ZNF438: variants seen among roughly 807,000 people sequenced by gnomAD.
ZNF438 encodes the protein zinc finger protein 438.
ZNF438 carries 25 observed loss-of-function variants against 38.0 expected under a neutral mutation model. The observed-to-expected ratio is 0.66, with a 90% CI of 0.48 to 0.92. ZNF438 has a LOEUF of 0.92. Ranked by LOEUF, ZNF438 falls within the 40% of genes least tolerant of loss-of-function variation. ZNF438 has a pLI of 0.00. For synonymous variants in ZNF438, 372 were observed against 364.1 expected (o/e 1.02, Z -0.25); for missense variants, 1,007 against 999.6 (o/e 1.01, Z -0.10).
At chr10:30,988,503 A>T (rs1247499344) in intron 1 of ZNF438, among the ~76,000 whole-genome samples, 2 of 152,112 alleles carry the variant, frequency 1.3e-5, no homozygotes, top group Non-Finnish European at 2.9e-5. Flanking sequence ...GGTTCTCCAG[A>T]GAAAGAGAGA....
chr10:30,929,658 C>T (rs149530710), intron 2 of ZNF438, among the ~76,000 whole-genome samples: 2 of 152,322 alleles, frequency 1.3e-5, no homozygotes, highest in African/African-American at 4.8e-5. Flanking sequence ...TCTGGCCTCA[C>T]CCACATCCTG....
intron 1 of ZNF438, among the ~76,000 whole-genome samples, chr10:30,944,621 T>A (rs2047172721): frequency 6.6e-6 from 1 of 152,178 alleles, no homozygotes; most frequent in South Asian, 2.1e-4. Context: ...GTGGGGAGAT[T>A]TCTAATTAAG....
intron 1 of ZNF438, among the ~76,000 whole-genome samples, chr10:30,976,481 C>T (rs2051362889): frequency 6.6e-6 from 1 of 152,160 alleles, no homozygotes; most frequent in African/African-American, 2.4e-5. Context: ...GTGGCACACA[C>T]CTGTAATCCC....
chr10:30,968,466 G>A (rs531912846), intron 1 of ZNF438, among the ~76,000 whole-genome samples: 71 of 125,708 alleles, frequency 5.6e-4, no homozygotes, highest in African/African-American at 2.0e-3. Context: ...TTTTTGAGAC[G>A]GAGTTTCGCT....
intron 4 of ZNF438, among the ~76,000 whole-genome samples, chr10:30,853,027 TGA>T (rs2033967947): frequency 6.6e-6 from 1 of 152,200 alleles, no homozygotes; most frequent in Non-Finnish European, 1.5e-5. Flanking sequence ...AAATCAGGAT[TGA>T]GAGACTTTGC....
At chr10:30,895,659 C>G (rs767148831) in intron 3 of ZNF438, among the ~76,000 whole-genome samples, 5 of 152,128 alleles carry the variant, frequency 3.3e-5, no homozygotes, top group Non-Finnish European at 7.4e-5. Context: ...TATGACTCAA[C>G]AAAACCCAAA....
chr10:30,986,405 C>T (rs1383875094), intron 1 of ZNF438, among the ~76,000 whole-genome samples: 2 of 152,148 alleles, frequency 1.3e-5, no homozygotes, highest in East Asian at 3.8e-4. Context: ...AATCATGGCA[C>T]TATATAAACC....
chr10:30,853,290 C>T (rs118118797), intron 4 of ZNF438, among the ~76,000 whole-genome samples: 7,053 of 152,330 alleles, frequency 0.046, 216 homozygotes, highest in Middle Eastern at 0.071. Context: ...AATAACACAT[C>T]ATAGCACAAG....
intron 3 of ZNF438, among the ~76,000 whole-genome samples, chr10:30,903,074 G>A (rs537551123): frequency 8.5e-4 from 129 of 152,286 alleles, no homozygotes; most frequent in Non-Finnish European, 1.3e-3. Flanking sequence ...TGGCAGGGCC[G>A]GCCAGCCAGC....
At chr10:30,886,946 TATG>T (rs2040026138) in intron 3 of ZNF438, among the ~76,000 whole-genome samples, 5 of 152,366 alleles carry the variant, frequency 3.3e-5, no homozygotes, top group African/African-American at 1.2e-4. Context: ...TGTTAAATTT[TATG>T]ATGATTTGAC....
intron 3 of ZNF438, among the ~76,000 whole-genome samples, chr10:30,884,690 A>G (rs1026884255): frequency 6.6e-6 from 1 of 152,230 alleles, no homozygotes; most frequent in Non-Finnish European, 1.5e-5. Flanking sequence ...CAGTTACATG[A>G]TTACTTTTTA....
intron 1 of ZNF438, among the ~76,000 whole-genome samples, chr10:30,979,771 T>C (rs573768860): frequency 1.3e-5 from 2 of 152,342 alleles, no homozygotes; most frequent in East Asian, 3.9e-4. Context: ...AGTCTCTTTG[T>C]AGCACTCTTT....
At chr10:31,031,570 C>T (rs77125657) in intron 1 of ZNF438, among the ~76,000 whole-genome samples, 6,631 of 152,314 alleles carry the variant, frequency 0.044, 456 homozygotes, top group African/African-American at 0.15. Context: ...CTTCTAAGGC[C>T]TCGCTCCCAG....
intron 4 of ZNF438, among the ~76,000 whole-genome samples, chr10:30,859,389 A>T (rs2035215403): frequency 6.6e-6 from 1 of 152,170 alleles, no homozygotes; most frequent in African/African-American, 2.4e-5. Flanking sequence ...AGTCTGTTTT[A>T]CAAGGATTTC....
At chr10:30,871,438 T>C (rs544658105) in intron 4 of ZNF438, among the ~76,000 whole-genome samples, 1 of 152,214 alleles carries the variant, frequency 6.6e-6, no homozygotes, top group Non-Finnish European at 1.5e-5. Context: ...GAGAGCCTAC[T>C]ACATGCCAGG....
intron 3 of ZNF438, among the ~76,000 whole-genome samples, chr10:30,882,054 C>T (rs1360483957): frequency 6.6e-6 from 1 of 152,054 alleles, no homozygotes; most frequent in African/African-American, 2.4e-5. Flanking sequence ...AAATAACAAA[C>T]TAATATGCTA....
At chr10:30,888,239 T>C (rs1443749846) in intron 3 of ZNF438, among the ~76,000 whole-genome samples, 1 of 152,096 alleles carries the variant, frequency 6.6e-6, no homozygotes, top group Non-Finnish European at 1.5e-5. Flanking sequence ...CTATATTTCA[T>C]TTATTTAAAA....
At chr10:31,000,687 G>A (rs2132798596) in intron 1 of ZNF438, among the ~76,000 whole-genome samples, 1 of 151,478 alleles carries the variant, frequency 6.6e-6, no homozygotes, top group African/African-American at 2.4e-5. Flanking sequence ...TGGCTGGCCA[G>A]AACTGTGCAT....
intron 1 of ZNF438, among the ~76,000 whole-genome samples, chr10:30,992,688 C>T (rs531062134): frequency 2.0e-5 from 3 of 152,354 alleles, no homozygotes; most frequent in African/African-American, 7.2e-5. Context: ...GCAGGGATTA[C>T]AGGCGTGAGC....
Sources: allele counts gnomAD v4.1 joint callset (sites outside exome capture counted in the v4.1 genomes callset), GRCh38; gene constraint gnomAD v4.1.1; transcripts MANE v1.5; gene names NCBI Gene and HGNC (gene_info 2026-07-23, HGNC 2026-07-21).